FARP1: variants seen among roughly 807,000 people sequenced by gnomAD.
FARP1 encodes the protein FERM, ARHGEF and pleckstrin domain-containing protein 1.
Under a neutral mutation model 128.8 loss-of-function variants are expected in FARP1, and 52 were observed. The observed-to-expected ratio is 0.40, with a 90% confidence interval of 0.32 to 0.51. FARP1 has a LOEUF of 0.51. Ranked by LOEUF, FARP1 falls within the 20% of genes least tolerant of loss-of-function variation. The pLI, the probability that FARP1 is intolerant of heterozygous loss-of-function variation, is 0.45. For synonymous variants in FARP1, 580 were observed against 551.8 expected, an observed-to-expected ratio of 1.05 and a Z score of -0.72; for missense variants, 1,333 against 1,367.9, an observed-to-expected ratio of 0.97 and a Z score of 0.40.
At chr13:98,144,765 G>A (rs1875392634) in intron 1 of FARP1, among the ~76,000 whole-genome samples, 1 of 152,242 alleles carries the variant, frequency 6.6e-6, no homozygotes, top group Non-Finnish European at 1.5e-5. Flanking sequence ...AAGCTTTAGG[G>A]AGAGTTGCCT....
At chr13:98,246,870 G>C (rs1215776709) in intron 2 of FARP1, among the ~76,000 whole-genome samples, 1 of 152,146 alleles carries the variant, frequency 6.6e-6, no homozygotes, top group Non-Finnish European at 1.5e-5. Flanking sequence ...TTCTGCCTGT[G>C]CACTTCCTGC....
At chr13:98,306,134 C>CGCTTTT (rs1174904100) in intron 2 of FARP1, among the ~76,000 whole-genome samples, 1 of 152,078 alleles carries the variant, frequency 6.6e-6, no homozygotes, top group Admixed American at 6.5e-5. Flanking sequence ...GCAACGTTTG[C>CGCTTTT]GCTTTATGCA....
chr13:98,208,263 G>C (rs1452347588), intron 1 of FARP1, among the ~76,000 whole-genome samples: 2 of 151,462 alleles, frequency 1.3e-5, no homozygotes, highest in Non-Finnish European at 2.9e-5. Flanking sequence ...TTTGAAGTCA[G>C]GAGTTCAAGA....
At chr13:98,376,569 T>C (rs1889593262) in intron 5 of FARP1, among the ~76,000 whole-genome samples, 1 of 152,206 alleles carries the variant, frequency 6.6e-6, no homozygotes, top group Non-Finnish European at 1.5e-5. Context: ...TGAATGGTGC[T>C]GCAGTAAACA....
intron 3 of FARP1, among the ~76,000 whole-genome samples, chr13:98,364,599 A>G (rs1256229912): frequency 6.6e-6 from 1 of 152,222 alleles, no homozygotes; most frequent in African/African-American, 2.4e-5. Context: ...ATATATGCAA[A>G]TATGAGCTTC....
intron 17 of FARP1, among the ~76,000 whole-genome samples, chr13:98,429,483 G>C (rs1891930448): frequency 6.6e-6 from 1 of 152,202 alleles, no homozygotes; most frequent in South Asian, 2.1e-4. Flanking sequence ...GCCAGAATGA[G>C]AACAGTGACC....
chr13:98,165,699 T>C (rs1034997400), intron 1 of FARP1, among the ~76,000 whole-genome samples: 1 of 122,898 alleles, frequency 8.1e-6, no homozygotes, highest in Non-Finnish European at 1.7e-5. Context: ...AAAAAAACCC[T>C]TCCAGAAGGG....
Position 98,454,310 on chromosome 13 carries a change from C to T in FARP1, c.*5993C>T, listed in dbSNP as rs1049093426. The T allele has an allele frequency of 1.3e-5, 2 of 152,146 alleles. No homozygotes were observed. The highest frequency in any genetic ancestry group is 4.8e-5 in the African/African-American group (2 of 41,426). 9.4% of individuals were successfully genotyped at this position (152,146 alleles called of 1,614,324 possible). On this transcript the variant is annotated 3_prime_UTR_variant, in exon 27 of 27. Coordinates refer to ENST00000319562, the MANE Select transcript of FARP1 (RefSeq NM_005766.4). ...TTCAGAAGACAACAAAGGGTGAGAA[C>T]GGGGTCCCCTCATGACCACAATTCC...
intron 2 of FARP1, among the ~76,000 whole-genome samples, chr13:98,258,174 A>G (rs1883703716): frequency 6.6e-6 from 1 of 152,090 alleles, no homozygotes; most frequent in African/African-American, 2.4e-5. Context: ...TCACCATGTT[A>G]GCAAGGATGG....
In FARP1 at chr13:98,353,940, A is replaced by T. The variant is rs763084955; in HGVS notation, c.276+10074A>T. Reference sequence around the variant, plus strand: ...TGAAATGAGTCATTCGAAGCTAATGAAAATTAAACAAATGATTTAAAAATA... The same window carrying T: ...TGAAATGAGTCATTCGAAGCTAATGTAAATTAAACAAATGATTTAAAAATA... On this transcript the variant is annotated intron_variant, in intron 3 of 26. Transcript: ENST00000319562. Among the ~76,000 whole-genome samples, 3 of 152,270 alleles carry T rather than the reference A, an allele frequency of 2.0e-5. No individual in the cohort carries two copies. In the East Asian group the frequency reaches 5.8e-4, roughly 29 times the overall value.
chr13:98,274,535 A>T (rs776291664), intron 2 of FARP1, among the ~76,000 whole-genome samples: 8 of 152,162 alleles, frequency 5.3e-5, no homozygotes, highest in Non-Finnish European at 1.0e-4. Context: ...AAAATCAGGG[A>T]TTGAAAGTTT....
chr13:98,316,781 C>G (rs775441297), intron 2 of FARP1, among the ~76,000 whole-genome samples: 1 of 152,146 alleles, frequency 6.6e-6, no homozygotes, highest in Non-Finnish European at 1.5e-5. Flanking sequence ...GAGCAGCCAC[C>G]GCTGTGATGG....
In FARP1 at chr13:98,308,445, AG is replaced by A. The variant is rs1422232750; in HGVS notation, c.172-35313del. ...GTGCAGCGAATGCATCACCTGAGGA[AG>A]GGGAATGGACGAAGATAGAAGATGA... On this transcript the variant is annotated intron_variant, in intron 2 of 26. Coordinates refer to ENST00000319562, the MANE Select transcript of FARP1 (RefSeq NM_005766.4). Among the ~76,000 whole-genome samples the A allele has an allele frequency of 2.0e-5, 3 of 152,072 alleles. No homozygotes were observed. The East Asian group carries it at 5.8e-4, about 29-fold the overall frequency.
chr13:98,242,011 G>T (rs574002051), intron 2 of FARP1, among the ~76,000 whole-genome samples: 20 of 152,138 alleles, frequency 1.3e-4, no homozygotes, highest in Non-Finnish European at 2.5e-4. Flanking sequence ...AGGCTAAGCC[G>T]GGAGGATCGC....
At chr13:98,430,932 A>G (rs1269380880) in intron 17 of FARP1, 111 bp from the exon 18 acceptor site, 2 of 686,220 alleles carry the variant, frequency 2.9e-6, no homozygotes, top group Non-Finnish European at 5.2e-6. Context: ...AATTAAACAA[A>G]TCGTGAAATA....
intron 1 of FARP1, among the ~76,000 whole-genome samples, chr13:98,149,383 G>A (rs1875808915): frequency 1.4e-5 from 2 of 146,860 alleles, no homozygotes; most frequent in Admixed American, 1.4e-4. Context: ...GTTGTTTTCA[G>A]TGTTGGCTAT....
chr13:98,288,626 T>A (rs9556927), intron 2 of FARP1, among the ~76,000 whole-genome samples: 56,348 of 152,106 alleles, frequency 0.37, 12,204 homozygotes, highest in East Asian at 0.61. Flanking sequence ...CGGTTTTCTG[T>A]CATTTTATCC....
chr13:98,206,092 G>A (rs1306063001), intron 1 of FARP1, among the ~76,000 whole-genome samples: 2 of 151,876 alleles, frequency 1.3e-5, no homozygotes, highest in Admixed American at 1.3e-4. Context: ...TGGTTAGTAG[G>A]TATGAAGTAG....
intron 2 of FARP1, among the ~76,000 whole-genome samples, chr13:98,220,153 C>G (rs1294147073): frequency 6.6e-6 from 1 of 152,038 alleles, no homozygotes; most frequent in African/African-American, 2.4e-5. Flanking sequence ...TCCGACTCTC[C>G]TGGAATGGAG....
Sources: allele counts gnomAD v4.1 joint callset (sites outside exome capture counted in the v4.1 genomes callset), GRCh38; gene constraint gnomAD v4.1.1; transcripts MANE v1.5; gene names NCBI Gene and HGNC (gene_info 2026-07-23, HGNC 2026-07-21).